NMBR: variants seen among roughly 807,000 people sequenced by gnomAD.
NMBR encodes neuromedin B receptor, also known as neuromedin-B receptor.
Under a neutral mutation model 20.5 loss-of-function variants are expected in NMBR, and 16 were observed. The observed-to-expected ratio is 0.78, with a 90% CI of 0.53 to 1.19. The LOEUF (loss-of-function observed/expected upper bound fraction) is 1.19, where lower values mean the gene tolerates loss of function less well. Ranked by LOEUF, NMBR falls within the 50% of genes most tolerant of loss-of-function variation. The pLI is 0.00. For missense variants in NMBR, 582 were observed against 499.1 expected (o/e 1.17, Z -1.58); for synonymous variants, 212 against 196.6 (o/e 1.08, Z -0.65).
At chr6:142,140,689 A>G (rs1237922657) in intron 1 of NMBR, among the ~76,000 whole-genome samples, 2 of 152,160 alleles carry the variant, frequency 1.3e-5, no homozygotes, top group East Asian at 3.8e-4. Flanking sequence ...AAATATTTAA[A>G]GGTTTAATAT....
chr6:142,077,639 A>G (rs927312844), intron 3 of NMBR, among the ~76,000 whole-genome samples: 1 of 152,164 alleles, frequency 6.6e-6, no homozygotes, highest in Non-Finnish European at 1.5e-5. Flanking sequence ...TCCATGCAAG[A>G]AAACTTTACT....
chr6:142,088,125 C>T, intron 2 of NMBR, 112 bp downstream of exon 2: 2 of 1,079,344 alleles, frequency 1.9e-6, no homozygotes, highest in Non-Finnish European at 2.7e-6. Flanking sequence ...TTCCTCTCCA[C>T]ACCCAACCTT....
intron 1 of NMBR, chr6:142,133,024 A>G (rs146570386): frequency 4.0e-5 from 19 of 480,722 alleles, no homozygotes; most frequent in Non-Finnish European, 6.4e-5. Flanking sequence ...AGGAGGGGAG[A>G]GAAATTTGTA....
At chr6:142,094,674 T>C (rs4280977) in intron 1 of NMBR, among the ~76,000 whole-genome samples, 76,010 of 151,940 alleles carry the variant, frequency 0.5, 19,523 homozygotes, top group East Asian at 0.74. Flanking sequence ...GGAGTTTTTT[T>C]CCAATTCTTT....
At chr6:142,131,755 T>C (rs1778146903) in intron 1 of NMBR, among the ~76,000 whole-genome samples, 1 of 152,072 alleles carries the variant, frequency 6.6e-6, no homozygotes, top group Non-Finnish European at 1.5e-5. Context: ...ATGACAATGA[T>C]GCTGCACTCC....
chr6:142,095,239 A>C (rs886412616), intron 1 of NMBR, among the ~76,000 whole-genome samples: 2 of 152,116 alleles, frequency 1.3e-5, no homozygotes, highest in Non-Finnish European at 2.9e-5. Flanking sequence ...CCAGTTTTTA[A>C]AGGGAATGCT....
At chr6:142,137,079 C>T (rs1223716602) in intron 1 of NMBR, among the ~76,000 whole-genome samples, 1 of 150,302 alleles carries the variant, frequency 6.7e-6, no homozygotes, top group African/African-American at 2.4e-5. Flanking sequence ...CTATAAATTA[C>T]CTTGGGCAGT....
intron 3 of NMBR, among the ~76,000 whole-genome samples, chr6:142,077,109 C>A (rs1776966291): frequency 1.3e-5 from 2 of 152,192 alleles, no homozygotes; most frequent in African/African-American, 4.8e-5. Flanking sequence ...TGAAATTTAT[C>A]TTTCTAAGCA....
At chr6:142,084,393 AT>A (rs2114561634) in intron 2 of NMBR, among the ~76,000 whole-genome samples, 2 of 152,340 alleles carry the variant, frequency 1.3e-5, no homozygotes, top group South Asian at 4.1e-4. Context: ...ACTTAATCAG[AT>A]TTGGTACAAC....
chr6:142,094,367 A>G (rs1348847572), intron 1 of NMBR, among the ~76,000 whole-genome samples: 1 of 152,208 alleles, frequency 6.6e-6, no homozygotes, highest in Non-Finnish European at 1.5e-5. Flanking sequence ...CTTTCTACAT[A>G]TGGCTGACCA....
At chr6:142,092,385 T>C (rs1777342318) in intron 1 of NMBR, among the ~76,000 whole-genome samples, 1 of 152,114 alleles carries the variant, frequency 6.6e-6, no homozygotes, top group South Asian at 2.1e-4. Context: ...CTCTATGTAA[T>C]ACTATATGTA....
At position 142,088,655 on chromosome 6, in the gene NMBR, G is replaced by T; in HGVS notation, c.4C>A (p.Pro2Thr). M[P>T]SKSLSNLSVT... ...GAGAGGTTGGAAAGAGACTTAGAGG[G>T]CATGATCTCCTTTCCAGCAGAGTCC... The change falls in exon 2 of 4, where the codon CCC becomes ACC. Residue 2 changes from proline to threonine, a missense_variant. Transcript: ENST00000258042. The T allele has an allele frequency of 6.3e-7, 1 of 1,598,268 alleles. No individual in the cohort carries two copies. Among genetic ancestry groups the T allele is most frequent in the Admixed American group, 1.7e-5 (1 of 59,894 alleles).
intron 2 of NMBR, among the ~76,000 whole-genome samples, chr6:142,085,626 T>C (rs1339253142): frequency 6.6e-6 from 1 of 152,142 alleles, no homozygotes; most frequent in Non-Finnish European, 1.5e-5. Flanking sequence ...ATTCAAAATA[T>C]TTGTGTTTTT....
intron 1 of NMBR, among the ~76,000 whole-genome samples, chr6:142,127,004 A>G (rs1582859725): frequency 6.6e-6 from 1 of 151,490 alleles, no homozygotes; most frequent in African/African-American, 2.4e-5. Flanking sequence ...AATTCAAATA[A>G]CTTATCTGTA....
In NMBR at chr6:142,097,797, A is replaced by G. The variant is rs372525983; in HGVS notation, c.-663-8476T>C. Among the ~76,000 whole-genome samples the G allele has an allele frequency of 3.1e-4, 47 of 152,274 alleles. No homozygotes were observed. In the South Asian group the frequency reaches 9.5e-3, roughly 31 times the overall value. On this transcript the variant is annotated intron_variant, in intron 1 of 3. Transcript: ENST00000258042. ...GTATAAAAGAACATGAAAAATGTTA[A>G]CAAGGCTCTATTCCATGTGTTGAAG...
chr6:142,106,322 T>C (rs1777661434), intron 1 of NMBR, among the ~76,000 whole-genome samples: 1 of 152,178 alleles, frequency 6.6e-6, no homozygotes, highest in Non-Finnish European at 1.5e-5. Context: ...GTCTGGGTAC[T>C]GAGAACTTGT....
intron 1 of NMBR, among the ~76,000 whole-genome samples, chr6:142,137,506 G>A (rs1294914349): frequency 1.3e-5 from 2 of 152,068 alleles, no homozygotes; most frequent in African/African-American, 2.4e-5. Flanking sequence ...CTGCCTAATT[G>A]CCCTGGCCGG....
intron 1 of NMBR, among the ~76,000 whole-genome samples, chr6:142,097,767 T>C (rs574892197): frequency 1.3e-5 from 2 of 152,152 alleles, no homozygotes; most frequent in East Asian, 3.9e-4. Context: ...GCACAGATGA[T>C]AGATGTATAA....
intron 1 of NMBR, among the ~76,000 whole-genome samples, 173 bp downstream of exon 1, chr6:142,146,871 G>A (rs1358375862): frequency 6.6e-6 from 1 of 152,128 alleles, no homozygotes; most frequent in African/African-American, 2.4e-5. Context: ...TATTAATGTG[G>A]CATATTAACT....
Sources: allele counts gnomAD v4.1 joint callset (sites outside exome capture counted in the v4.1 genomes callset), GRCh38; gene constraint gnomAD v4.1.1; transcripts MANE v1.5; gene names NCBI Gene and HGNC (gene_info 2026-07-23, HGNC 2026-07-21).